Variants in MYO1B observed in about 807,000 individuals in gnomAD.
MYO1B encodes unconventional myosin-Ib.
A neutral mutation model predicts 159.7 loss-of-function variants in MYO1B; 72 were observed. The observed-to-expected ratio is 0.45, with a 90% confidence interval of 0.37 to 0.55. The LOEUF is 0.55. Among genes scored for constraint, MYO1B ranks in the 20% least tolerant of loss-of-function variants. The probability of loss-of-function intolerance (pLI) is 0.00; values close to 1 mark genes in which losing one functional copy is unlikely to be tolerated. For synonymous variants in MYO1B, 468 were observed against 473.8 expected, an observed-to-expected ratio of 0.99 and a Z score of 0.16; for missense variants, 1,062 against 1,364.8, an observed-to-expected ratio of 0.78 and a Z score of 3.50.
chr2:191,303,970 T>C (rs1689488969), intron 3 of MYO1B, among the ~76,000 whole-genome samples: 1 of 152,174 alleles, frequency 6.6e-6, no homozygotes, highest in African/African-American at 2.4e-5. Context: ...ATGACTGTCA[T>C]GGGTCAAAAT....
rs1211547082 is a variant in MYO1B at position 191,361,589 on chromosome 2, G to A, written c.662-679G>A. ...AAGTATCTACTATATTATTATATATGTAGATATATAATATATACATATACT... is the reference window on the plus strand; with the variant it reads ...AAGTATCTACTATATTATTATATATATAGATATATAATATATACATATACT... On this transcript the variant is annotated intron_variant, in intron 8 of 30. Transcript: ENST00000392318. 2.7e-5 allele frequency among the ~76,000 whole-genome samples: 4 copies of A among 150,338 alleles called. No homozygotes were observed. The East Asian group carries it at 7.8e-4, about 29-fold the overall frequency.
intron 2 of MYO1B, among the ~76,000 whole-genome samples, chr2:191,295,017 T>C (rs749765767): frequency 1.1e-4 from 17 of 152,190 alleles, no homozygotes; most frequent in Admixed American, 2.0e-4. Flanking sequence ...TGGTACCTTT[T>C]GTGGGATGAC....
chr2:191,409,304 G>C (rs1322246879), intron 26 of MYO1B, 126 bp downstream of exon 26: 1 of 1,122,184 alleles, frequency 8.9e-7, no homozygotes, highest in Non-Finnish European at 1.3e-6. Context: ...TGAGGACTTT[G>C]GTGATTTTCC....
chr2:191,295,013 CT>C (rs1688901491), intron 2 of MYO1B, among the ~76,000 whole-genome samples: 1 of 152,044 alleles, frequency 6.6e-6, no homozygotes, highest in South Asian at 2.1e-4. Flanking sequence ...AAAATGGTAC[CT>C]TTTGTGGGAT....
At chr2:191,290,739 G>A (rs1688642811) in intron 2 of MYO1B, among the ~76,000 whole-genome samples, 2 of 152,166 alleles carry the variant, frequency 1.3e-5, no homozygotes, top group African/African-American at 2.4e-5. Context: ...ATATACAGAT[G>A]TTGCTGCAGT....
chr2:191,408,648 G>T (rs1184433658), intron 25 of MYO1B, among the ~76,000 whole-genome samples: 1 of 152,102 alleles, frequency 6.6e-6, no homozygotes, highest in Non-Finnish European at 1.5e-5. Context: ...GCAAACTCTG[G>T]AGCCAGCCCC....
At chr2:191,278,478 ATAG>A (rs1215220428) in intron 2 of MYO1B, among the ~76,000 whole-genome samples, 1 of 152,190 alleles carries the variant, frequency 6.6e-6, no homozygotes, top group Non-Finnish European at 1.5e-5. Flanking sequence ...TATTTATGAG[ATAG>A]TAGTCATCCT....
rs375542516 is a variant in MYO1B, at chr2:191,362,379, G to A, written c.765+8G>A. 2 of 1,608,814 alleles carry A rather than the reference G, an allele frequency of 1.2e-6. No individual in the cohort carries two copies. The highest frequency in any genetic ancestry group is 1.7e-6 in the Non-Finnish European group (2 of 1,175,980). The stretch of plus-strand genomic sequence containing the variant: ...AATTTTAGAACCGTGCGGGTAAGAT[G>A]TAGTACTTTCATCAAGCTTTAAATT... On this transcript the variant is annotated splice_region_variant and intron_variant, in intron 9 of 30. Coordinates refer to ENST00000392318, the MANE Select transcript of MYO1B (RefSeq NM_001130158.3).
chr2:191,414,601 T>C lies in MYO1B; in HGVS notation c.3091T>C (p.Leu1031=), dbSNP rs2271767. 0.94 allele frequency: 1,510,756 copies of C among 1,613,514 alleles called. 722,492 individuals carry two copies. The highest frequency in any genetic ancestry group is 0.98 in the Non-Finnish European group (1,152,689 of 1,179,828). Residue 1031 remains leucine, a synonymous_variant, in exon 29 of 31, where the codon TTG becomes CTG. Transcript: ENST00000392318. ...KSGQIKSEVP[L]VDVTKVSMSS... ...TGGACAAATCAAGTCAGAGGTTCCA[T>C]TGGTGGATGTGACCAAGGTATCAAT...
chr2:191,370,144 G>T (rs553720119), intron 12 of MYO1B, 83 bp from the exon 13 acceptor site: 2 of 861,994 alleles, frequency 2.3e-6, no homozygotes, highest in East Asian at 5.2e-5. Context: ...TAATTAATTT[G>T]TAATATATAT....
chr2:191,415,812 T>C (rs1697528014), intron 29 of MYO1B, among the ~76,000 whole-genome samples: 3 of 152,114 alleles, frequency 2.0e-5, no homozygotes, highest in African/African-American at 7.2e-5. Flanking sequence ...TGCGTTGTGG[T>C]TTCATATTCA....
intron 1 of MYO1B, among the ~76,000 whole-genome samples, chr2:191,261,458 A>G (rs1410073780): frequency 1.3e-5 from 2 of 152,194 alleles, no homozygotes; most frequent in Non-Finnish European, 2.9e-5. Context: ...GTAAAACTCG[A>G]TAATCGTACT....
chr2:191,348,912 G>A (rs1394334536), intron 6 of MYO1B, among the ~76,000 whole-genome samples: 1 of 152,128 alleles, frequency 6.6e-6, no homozygotes, highest in African/African-American at 2.4e-5. Context: ...CTCCAGCCTT[G>A]TTTCCCACTC....
chr2:191,411,737 T>A lies in MYO1B; in HGVS notation c.2873+565T>A, dbSNP rs61483984. On this transcript the variant is annotated intron_variant, in intron 27 of 30. Coordinates refer to ENST00000392318, the MANE Select transcript of MYO1B (RefSeq NM_001130158.3). ...TTCAGTTCCTTTATTTTAGACACCGTGGACTCAGAAAAAGAAGGAACACCA... is the reference window on the plus strand; with the variant it reads ...TTCAGTTCCTTTATTTTAGACACCGAGGACTCAGAAAAAGAAGGAACACCA... Among the ~76,000 whole-genome samples, 1,291 of 152,238 alleles carry A rather than the reference T, an allele frequency of 8.5e-3. 23 individuals carry two copies. Among genetic ancestry groups the A allele is most frequent in the African/African-American group, 0.03 (1,233 of 41,548 alleles).
At chr2:191,285,596 A>G (rs939873076) in intron 2 of MYO1B, among the ~76,000 whole-genome samples, 3 of 152,182 alleles carry the variant, frequency 2.0e-5, no homozygotes, top group African/African-American at 4.8e-5. Flanking sequence ...TAAAATATCA[A>G]TGGGATCAAG....
chr2:191,289,124 T>C (rs998767726), intron 2 of MYO1B, among the ~76,000 whole-genome samples: 22 of 152,240 alleles, frequency 1.4e-4, no homozygotes, highest in Non-Finnish European at 3.1e-4. Context: ...TTTTCTGTTT[T>C]GTTTATTCCT....
At chr2:191,422,714 T>C (rs1275648488) in intron 30 of MYO1B, among the ~76,000 whole-genome samples, 1 of 152,214 alleles carries the variant, frequency 6.6e-6, no homozygotes, top group Non-Finnish European at 1.5e-5. Context: ...ATGTAGGACA[T>C]ATGTGAGTAA....
At chr2:191,422,672 ATTAGCATACT>A (rs1698016304) in intron 30 of MYO1B, among the ~76,000 whole-genome samples, 1 of 152,260 alleles carries the variant, frequency 6.6e-6, no homozygotes, top group East Asian at 1.9e-4. Context: ...AGCAATAGCT[ATTAGCATACT>A]ATGCAGATAA....
At position 191,330,165 on chromosome 2, in the gene MYO1B, T is replaced by C. The variant is rs1317781613; in HGVS notation, c.346+136T>C. On this transcript the variant is annotated intron_variant, in intron 4 of 30. Coordinates refer to ENST00000392318, the MANE Select transcript of MYO1B (RefSeq NM_001130158.3). ...GGGTGCTTCTGCAGGAGGATACTGG[T>C]TAGGAACACAGAATGTTCTCTGGAC... is the stretch of plus-strand genomic sequence containing the variant. 1.1e-5 allele frequency: 7 copies of C among 634,322 alleles called. No homozygotes were observed. The African/African-American group carries it at 1.3e-4, about 12-fold the overall frequency. 39.3% of individuals were successfully genotyped at this position (634,322 alleles called of 1,614,324 possible).
Sources: gnomAD v4.1 joint callset for allele counts (sites outside exome capture counted in the v4.1 genomes callset) on GRCh38, gnomAD v4.1.1 for gene constraint, MANE v1.5 for transcripts, NCBI Gene and HGNC (gene_info 2026-07-23, HGNC 2026-07-21) for gene names.